The following C7orf78 variants were observed in gnomAD, a reference collection of about 807,000 sequenced individuals.
C7orf78 encodes the protein putative uncharacterized protein C7orf78.
chr7:12,534,915 C>T, the C7orf78 span, among the ~76,000 whole-genome samples: 1 of 150,606 alleles, frequency 6.6e-6, no homozygotes, highest in East Asian at 2.0e-4. Context: ...CCACTGCATT[C>T]CGGCCTGGGG....
chr7:12,521,377 T>G, the C7orf78 span, among the ~76,000 whole-genome samples: 1 of 152,016 alleles, frequency 6.6e-6, no homozygotes, highest in African/African-American at 2.4e-5. Flanking sequence ...TTTTCATTTG[T>G]GTATCTACTG....
chr7:12,525,993 G>A, the C7orf78 span: 1 of 390,842 alleles, frequency 2.6e-6, no homozygotes, highest in South Asian at 1.4e-4. Flanking sequence ...AACTAAATAG[G>A]TGGATTTTAT....
At chr7:12,497,842 G>A in the C7orf78 span, among the ~76,000 whole-genome samples, 16 of 151,120 alleles carry the variant, frequency 1.1e-4, no homozygotes, top group African/African-American at 3.4e-4. Flanking sequence ...CTGTCTGACA[G>A]CTTTGAAGAG....
chr7:12,532,972 G>A, the C7orf78 span, among the ~76,000 whole-genome samples: 1 of 152,140 alleles, frequency 6.6e-6, no homozygotes, highest in Non-Finnish European at 1.5e-5. Flanking sequence ...TGGATATAGA[G>A]TCATCCTACT....
At chr7:12,526,877 C>G in the C7orf78 span, among the ~76,000 whole-genome samples, 1 of 151,740 alleles carries the variant, frequency 6.6e-6, no homozygotes, top group Non-Finnish European at 1.5e-5. Flanking sequence ...CTAGTATATG[C>G]TATGTGTCAC....
At chr7:12,488,912 G>GT in the C7orf78 span, among the ~76,000 whole-genome samples, 1,118 of 76,994 alleles carry the variant, frequency 0.015, 19 homozygotes, top group African/African-American at 0.055. Context: ...GGGTTTGATT[G>GT]GTTTTTTTTT....
At chr7:12,511,627 T>C in the C7orf78 span, among the ~76,000 whole-genome samples, 3 of 152,356 alleles carry the variant, frequency 2.0e-5, no homozygotes, top group South Asian at 2.1e-4. Flanking sequence ...TTTGTAGCTA[T>C]AGAAAATAAA....
chr7:12,534,926 G>C, the C7orf78 span, among the ~76,000 whole-genome samples: 7 of 151,532 alleles, frequency 4.6e-5, no homozygotes, highest in Non-Finnish European at 7.4e-5. Context: ...CGGCCTGGGG[G>C]ACAGAGCAAG....
the C7orf78 span, chr7:12,531,055 C>A: frequency 2.5e-6 from 1 of 398,212 alleles, no homozygotes; most frequent in Non-Finnish European, 4.4e-6. Context: ...ATTTATGGAT[C>A]GTGTGGAAGA....
chr7:12,518,283 G>A, the C7orf78 span, among the ~76,000 whole-genome samples: 2 of 152,156 alleles, frequency 1.3e-5, no homozygotes, highest in Non-Finnish European at 2.9e-5. Flanking sequence ...CTGTCCTTTA[G>A]CCCCCTGGGT....
chr7:12,519,147 G>A, the C7orf78 span, among the ~76,000 whole-genome samples: 1 of 152,078 alleles, frequency 6.6e-6, no homozygotes, highest in Admixed American at 6.5e-5. Flanking sequence ...CAGGGGGACA[G>A]GGTCACCACC....
chr7:12,524,375 A>G, the C7orf78 span, among the ~76,000 whole-genome samples: 4 of 149,918 alleles, frequency 2.7e-5, no homozygotes, highest in South Asian at 2.1e-4. Context: ...GCTATAGTCA[A>G]TAACTCTCTT....
the C7orf78 span, among the ~76,000 whole-genome samples, chr7:12,533,516 T>C: frequency 3.4e-5 from 5 of 145,872 alleles, no homozygotes; most frequent in East Asian, 2.0e-4. Flanking sequence ...AGGTTTCTTT[T>C]TTTTTTTTTT....
chr7:12,533,738 G>A, the C7orf78 span, among the ~76,000 whole-genome samples: 8 of 151,800 alleles, frequency 5.3e-5, no homozygotes, highest in Non-Finnish European at 8.8e-5. Flanking sequence ...GGATGGTCTC[G>A]ATCTCCTGAC....
At chr7:12,531,267 T>C in the C7orf78 span, among the ~76,000 whole-genome samples, 1 of 152,206 alleles carries the variant, frequency 6.6e-6, no homozygotes, top group Non-Finnish European at 1.5e-5. Flanking sequence ...CCTGAAAGAA[T>C]CCAATCCCAT....
At chr7:12,524,934 C>T in the C7orf78 span, among the ~76,000 whole-genome samples, 1 of 151,662 alleles carries the variant, frequency 6.6e-6, no homozygotes, top group Non-Finnish European at 1.5e-5. Flanking sequence ...AATTAACTTG[C>T]TTCTATAAAT....
the C7orf78 span, chr7:12,496,525 C>T: frequency 6.6e-6 from 1 of 152,126 alleles, no homozygotes; most frequent in Non-Finnish European, 1.5e-5. Context: ...TCTAAGAAAT[C>T]TTTGGAGACA....
the C7orf78 span, among the ~76,000 whole-genome samples, chr7:12,515,952 C>A: frequency 1.3e-5 from 2 of 152,242 alleles, no homozygotes; most frequent in African/African-American, 2.4e-5. Context: ...AAATTTGCAG[C>A]CTGACAATGT....
chr7:12,513,860 C>T, the C7orf78 span, among the ~76,000 whole-genome samples: 14 of 152,020 alleles, frequency 9.2e-5, no homozygotes, highest in South Asian at 1.0e-3. Flanking sequence ...ATTAGCTGGG[C>T]GTGGTGGTGG....
Sources: allele counts gnomAD v4.1 joint callset (sites outside exome capture counted in the v4.1 genomes callset), GRCh38; gene constraint gnomAD v4.1.1; transcripts MANE v1.5; gene names NCBI Gene and HGNC (gene_info 2026-07-23, HGNC 2026-07-21).